DPP10: variants seen among roughly 807,000 people sequenced by gnomAD.
DPP10 encodes the protein dipeptidyl peptidase like 10, also known as inactive dipeptidyl peptidase 10.
Under a neutral mutation model 120.9 loss-of-function variants are expected in DPP10, and 33 were observed. The ratio of observed to expected loss-of-function variants is 0.27; its 90% CI spans 0.21 to 0.37. The LOEUF (loss-of-function observed/expected upper bound fraction) is 0.37. Ranked by LOEUF, DPP10 falls within the 10% of genes least tolerant of loss-of-function variation. DPP10 has a pLI of 1.00. For missense variants in DPP10, 816 were observed against 942.8 expected, an observed-to-expected ratio of 0.87 and a Z score of 1.76; for synonymous variants, 337 against 326.1, an observed-to-expected ratio of 1.03 and a Z score of -0.36.
At chr2:115,122,832 G>A (rs2049892632) in intron 1 of DPP10, among the ~76,000 whole-genome samples, 1 of 152,116 alleles carries the variant, frequency 6.6e-6, no homozygotes, top group Admixed American at 6.5e-5. Flanking sequence ...AGTGCCTCAG[G>A]TCTACTCTGT....
At chr2:115,694,828 C>A (rs192203364) in intron 7 of DPP10, among the ~76,000 whole-genome samples, 92 of 152,286 alleles carry the variant, frequency 6.0e-4, no homozygotes, top group African/African-American at 1.9e-3. Flanking sequence ...CGACCCCAGC[C>A]CCATGGCAGG....
chr2:115,100,041 C>T (rs1281989017), intron 1 of DPP10, among the ~76,000 whole-genome samples: 1 of 152,156 alleles, frequency 6.6e-6, no homozygotes, highest in Admixed American at 6.6e-5. Context: ...TGATGCCACT[C>T]AAGATGAATT....
chr2:114,714,443 T>G (rs998639432), intron 1 of DPP10, among the ~76,000 whole-genome samples: 3 of 152,174 alleles, frequency 2.0e-5, no homozygotes, highest in Non-Finnish European at 4.4e-5. Flanking sequence ...GGAGGGCCTT[T>G]GCCTTCTGTG....
At chr2:114,759,385 G>C (rs545290028) in intron 1 of DPP10, among the ~76,000 whole-genome samples, 1 of 152,138 alleles carries the variant, frequency 6.6e-6, no homozygotes, top group South Asian at 2.1e-4. Flanking sequence ...GGTCTATAAA[G>C]CATTCTTATC....
At chr2:114,823,738 G>C (rs1574273369) in intron 1 of DPP10, among the ~76,000 whole-genome samples, 1 of 152,346 alleles carries the variant, frequency 6.6e-6, no homozygotes, top group East Asian at 1.9e-4. Flanking sequence ...AATTTGAACA[G>C]TGGATGTAGG....
intron 1 of DPP10, among the ~76,000 whole-genome samples, chr2:114,600,142 C>T (rs1197563848): frequency 6.6e-6 from 1 of 151,458 alleles, no homozygotes; most frequent in Non-Finnish European, 1.5e-5. Flanking sequence ...TCTTTGTCTT[C>T]CTTCTGAGAT....
intron 1 of DPP10, among the ~76,000 whole-genome samples, chr2:115,106,932 A>C (rs549027986): frequency 6.6e-6 from 1 of 151,870 alleles, no homozygotes; most frequent in East Asian, 2.0e-4. Flanking sequence ...AAAATTAGCC[A>C]GGCGTGGTGG....
intron 1 of DPP10, chr2:115,064,796 T>C: frequency 7.7e-7 from 1 of 1,304,244 alleles, no homozygotes; most frequent in Non-Finnish European, 1.0e-6. Context: ...CAGTAGATGG[T>C]TCTGAAAAGG....
intron 8 of DPP10, among the ~76,000 whole-genome samples, chr2:115,730,423 G>A (rs1188067142): frequency 6.6e-6 from 1 of 152,160 alleles, no homozygotes; most frequent in Non-Finnish European, 1.5e-5. Context: ...GGGTTTCAGG[G>A]AAGAGAAGAC....
intron 3 of DPP10, among the ~76,000 whole-genome samples, chr2:115,455,283 T>A (rs1157919148): frequency 6.6e-6 from 1 of 151,638 alleles, no homozygotes; most frequent in Admixed American, 6.6e-5. Flanking sequence ...CTAAGTAGGC[T>A]TTTTTTGGAG....
intron 17 of DPP10, among the ~76,000 whole-genome samples, chr2:115,785,552 G>A (rs759922497): frequency 3.8e-4 from 58 of 152,094 alleles, no homozygotes; most frequent in Middle Eastern, 3.4e-3. Flanking sequence ...TTTCTCCCTG[G>A]TCCACTCTTG....
At position 115,210,083 on chromosome 2, in the gene DPP10, C is replaced by T. The variant is rs762776016; in HGVS notation, c.61-99156C>T. Among the ~76,000 whole-genome samples, 75 of 152,126 alleles carry T rather than the reference C, an allele frequency of 4.9e-4. 1 individual carries two copies. Among genetic ancestry groups the T allele is most frequent in the Non-Finnish European group, 8.5e-4 (58 of 67,998 alleles). On this transcript the variant is annotated intron_variant, in intron 1 of 25. Transcript: ENST00000410059. ...ATGTACACAACGTACAGGTTTGCTA[C>T]GTATGTATACATGTGCCATGTTGGT...
chr2:115,085,327 CGTGT>C (rs374792481), intron 1 of DPP10, among the ~76,000 whole-genome samples: 1 of 151,418 alleles, frequency 6.6e-6, no homozygotes, highest in Non-Finnish European at 1.5e-5. Context: ...TGTGTGAGCA[CGTGT>C]GTGTGTGTGT....
chr2:115,652,153 CCAGA>C (rs1441688100), intron 5 of DPP10, among the ~76,000 whole-genome samples: 3 of 151,816 alleles, frequency 2.0e-5, no homozygotes, highest in South Asian at 2.1e-4. Context: ...ATGATATATG[CCAGA>C]CATTCTTTCA....
intron 5 of DPP10, among the ~76,000 whole-genome samples, chr2:115,663,982 G>A (rs1034633059): frequency 6.7e-6 from 1 of 149,180 alleles, no homozygotes; most frequent in Non-Finnish European, 1.5e-5. Context: ...GTGACAGAGC[G>A]AGACTCCATC....
chr2:115,741,096 C>G (rs989210246), intron 9 of DPP10, among the ~76,000 whole-genome samples: 1 of 152,074 alleles, frequency 6.6e-6, no homozygotes, highest in African/African-American at 2.4e-5. Context: ...TCCTTCTGTT[C>G]CCACCAGCCA....
At chr2:115,172,824 A>G (rs1229302785) in intron 1 of DPP10, among the ~76,000 whole-genome samples, 1 of 152,200 alleles carries the variant, frequency 6.6e-6, no homozygotes, top group Middle Eastern at 3.2e-3. Flanking sequence ...TGGATGTTGA[A>G]GTTCCCAGAA....
intron 1 of DPP10, among the ~76,000 whole-genome samples, chr2:114,554,474 A>G (rs577982864): frequency 6.6e-6 from 1 of 152,216 alleles, no homozygotes; most frequent in Non-Finnish European, 1.5e-5. Flanking sequence ...ATGAAATTTC[A>G]GAATCGTATA....
At chr2:115,399,954 G>A (rs1407648414) in intron 3 of DPP10, among the ~76,000 whole-genome samples, 1 of 152,262 alleles carries the variant, frequency 6.6e-6, no homozygotes, top group East Asian at 1.9e-4. Context: ...AGCAGCTTCT[G>A]CTTCTGGGGA....
Sources: gnomAD v4.1 joint callset for allele counts (sites outside exome capture counted in the v4.1 genomes callset) on GRCh38, gnomAD v4.1.1 for gene constraint, MANE v1.5 for transcripts, NCBI Gene and HGNC (gene_info 2026-07-23, HGNC 2026-07-21) for gene names.